MBD5: variants seen among roughly 807,000 people sequenced by gnomAD.
MBD5 encodes methyl-CpG binding domain protein 5.
MBD5 carries 13 observed loss-of-function variants against 117.3 expected under a neutral mutation model. That is an observed-to-expected ratio of 0.11 (90% CI 0.07 to 0.18). The LOEUF (loss-of-function observed/expected upper bound fraction) is 0.18, where lower values mean the gene tolerates loss of function less well. Among genes scored for constraint, MBD5 ranks in the 10% least tolerant of loss-of-function variants. The pLI is 1.00. For synonymous variants in MBD5, 727 were observed against 766.4 expected (o/e 0.95, Z 0.85); for missense variants, 1,879 against 2,093.8 (o/e 0.90, Z 2.00).
At chr2:148,159,062 A>G (rs1263220790) in intron 1 of MBD5, among the ~76,000 whole-genome samples, 1 of 152,174 alleles carries the variant, frequency 6.6e-6, no homozygotes, top group African/African-American at 2.4e-5. Flanking sequence ...CGGTAAAGTA[A>G]AAAACTGCTT....
intron 3 of MBD5, among the ~76,000 whole-genome samples, chr2:148,302,631 T>TG (rs1238243199): frequency 2.7e-5 from 4 of 146,658 alleles, no homozygotes; most frequent in Admixed American, 6.8e-5. Flanking sequence ...GGTTTTTGTT[T>TG]GTTTTTTTTC....
intron 3 of MBD5, among the ~76,000 whole-genome samples, chr2:148,304,403 G>C (rs1701842140): frequency 6.6e-6 from 1 of 151,894 alleles, no homozygotes; most frequent in Non-Finnish European, 1.5e-5. Context: ...GCAGCAAACT[G>C]CTTCTCAATA....
intron 1 of MBD5, among the ~76,000 whole-genome samples, chr2:148,149,032 G>A (rs576091546): frequency 1.1e-4 from 17 of 152,082 alleles, no homozygotes; most frequent in South Asian, 2.1e-4. Flanking sequence ...CTGGTGCACT[G>A]CACCCACTAA....
chr2:148,150,874 A>C (rs1020292997), intron 1 of MBD5, among the ~76,000 whole-genome samples: 2 of 152,210 alleles, frequency 1.3e-5, no homozygotes, highest in Admixed American at 6.5e-5. Flanking sequence ...ATATACAATC[A>C]TGTCATCTGC....
chr2:148,135,370 A>G (rs947853154), intron 1 of MBD5, among the ~76,000 whole-genome samples: 16 of 151,974 alleles, frequency 1.1e-4, no homozygotes, highest in African/African-American at 3.9e-4. Flanking sequence ...TTTGCTGCAT[A>G]TTTTCAGCTG....
chr2:148,035,869 A>C (rs750412068), intron 1 of MBD5, among the ~76,000 whole-genome samples: 1 of 152,134 alleles, frequency 6.6e-6, no homozygotes, highest in Non-Finnish European at 1.5e-5. Context: ...TGCTTTAGAT[A>C]TATACAATGC....
intron 4 of MBD5, among the ~76,000 whole-genome samples, chr2:148,418,867 A>G (rs1329440297): frequency 1.3e-5 from 2 of 152,184 alleles, no homozygotes; most frequent in Admixed American, 6.5e-5. Flanking sequence ...AGAATTAGAA[A>G]AAAAAATTCT....
intron 3 of MBD5, among the ~76,000 whole-genome samples, chr2:148,271,939 C>T (rs1218359053): frequency 6.6e-6 from 1 of 152,166 alleles, no homozygotes; most frequent in African/African-American, 2.4e-5. Flanking sequence ...AGCGTCTGCC[C>T]CATCCCTTCC....
chr2:148,143,787 C>A (rs1260287478), intron 1 of MBD5, among the ~76,000 whole-genome samples: 2 of 152,082 alleles, frequency 1.3e-5, no homozygotes, highest in African/African-American at 2.4e-5. Context: ...TGAACTCATC[C>A]TTTTTTATGG....
At chr2:148,299,134 CT>C (rs201352160) in intron 3 of MBD5, among the ~76,000 whole-genome samples, 102 of 146,032 alleles carry the variant, frequency 7.0e-4, no homozygotes, top group Non-Finnish European at 6.4e-4. Context: ...AAAGAACTTT[CT>C]TTTTTTTTTT....
At chr2:148,196,801 C>G (rs183810554) in intron 2 of MBD5, among the ~76,000 whole-genome samples, 113 of 152,140 alleles carry the variant, frequency 7.4e-4, no homozygotes, top group Non-Finnish European at 1.1e-3. Flanking sequence ...TTGTGTCAGA[C>G]AAAGTAGGCT....
intron 1 of MBD5, among the ~76,000 whole-genome samples, chr2:148,072,521 AT>A (rs1019239415): frequency 1.3e-5 from 2 of 152,010 alleles, no homozygotes; most frequent in South Asian, 2.1e-4. Context: ...TAAGCTTAGA[AT>A]TTTTTTTCTG....
chr2:148,144,934 C>A (rs997788724), intron 1 of MBD5, among the ~76,000 whole-genome samples: 1 of 152,144 alleles, frequency 6.6e-6, no homozygotes, highest in Non-Finnish European at 1.5e-5. Flanking sequence ...AATGCGGGCT[C>A]TTTTTTGGTT....
At chr2:148,029,797 T>C (rs775686529) in intron 1 of MBD5, among the ~76,000 whole-genome samples, 1 of 151,780 alleles carries the variant, frequency 6.6e-6, no homozygotes, top group East Asian at 1.9e-4. Context: ...CTTGAATGAC[T>C]AAATCTACAC....
At chr2:148,382,990 A>G (rs2105452293) in intron 4 of MBD5, among the ~76,000 whole-genome samples, 1 of 151,908 alleles carries the variant, frequency 6.6e-6, no homozygotes, top group South Asian at 2.1e-4. Flanking sequence ...CTAAATGCCC[A>G]CAAGAGAAAG....
At position 148,218,679 on chromosome 2, in the gene MBD5, T is replaced by A. The variant is rs6706267; in HGVS notation, c.-830-14566T>A. Among the ~76,000 whole-genome samples the A allele has an allele frequency of 5.6e-3, 853 of 152,330 alleles. 11 individuals carry two copies. Among genetic ancestry groups the A allele is most frequent in the African/African-American group, 0.02 (825 of 41,572 alleles). On this transcript the variant is annotated intron_variant, in intron 2 of 13. Transcript: ENST00000642680. ...AGGGTATAGCCTATTGCTCCTAGGT[T>A]ACAAACCTGTGCAGCATATTATTGT...
intron 3 of MBD5, among the ~76,000 whole-genome samples, chr2:148,326,057 A>T (rs1026472616): frequency 6.6e-6 from 1 of 152,158 alleles, no homozygotes; most frequent in Admixed American, 6.5e-5. Flanking sequence ...ATTGGTTTCA[A>T]AGAACATCTT....
chr2:148,106,842 T>G (rs558985860), intron 1 of MBD5, among the ~76,000 whole-genome samples: 1 of 152,126 alleles, frequency 6.6e-6, no homozygotes, highest in East Asian at 1.9e-4. Flanking sequence ...ATTTATAGAT[T>G]TCTGTTTTAT....
At chr2:148,436,186 CATGTTTTCTTAA>C (rs1487941415) in intron 4 of MBD5, among the ~76,000 whole-genome samples, 1 of 152,166 alleles carries the variant, frequency 6.6e-6, no homozygotes, top group East Asian at 1.9e-4. Context: ...GGAAGATTGA[CATGTTTTCTTAA>C]ATGTAATATT....
Sources: gnomAD v4.1 joint callset for allele counts (sites outside exome capture counted in the v4.1 genomes callset) on GRCh38, gnomAD v4.1.1 for gene constraint, MANE v1.5 for transcripts, NCBI Gene and HGNC (gene_info 2026-07-23, HGNC 2026-07-21) for gene names.